AP3D1: variants seen among roughly 807,000 people sequenced by gnomAD.
The protein encoded by AP3D1 is adaptor related protein complex 3 subunit delta 1, also known as AP-3 complex subunit delta-1.
A neutral mutation model predicts 147.6 loss-of-function variants in AP3D1; 51 were observed. The ratio of observed to expected loss-of-function variants is 0.35; its 90% CI spans 0.28 to 0.44. The LOEUF (loss-of-function observed/expected upper bound fraction) is 0.44. AP3D1 is among the 20% of genes least tolerant of loss of function. The probability of loss-of-function intolerance (pLI) is 1.00; values close to 1 mark genes in which losing one functional copy is unlikely to be tolerated. For missense variants in AP3D1, 1,421 were observed against 1,624.2 expected, an observed-to-expected ratio of 0.87 and a Z score of 2.15; for synonymous variants, 760 against 663.0, an observed-to-expected ratio of 1.15 and a Z score of -2.25.
intron 21 of AP3D1, 126 bp from the exon 22 acceptor site, chr19:2,114,428 G>T: frequency 1.2e-6 from 1 of 806,220 alleles, no homozygotes. Context: ...CCCCAGCCAT[G>T]GCCCAACATA....
In AP3D1 at chr19:2,137,001, G is replaced by A; in HGVS notation, c.354+10C>T. 2 of 1,580,110 alleles carry A rather than the reference G, an allele frequency of 1.3e-6. No individual in the cohort carries two copies. Among genetic ancestry groups the A allele is most frequent in the Non-Finnish European group, 1.7e-6 (2 of 1,163,414 alleles). ...TCAGCACAGAGCGGCCCCGGCCCGGGAACACCCACCTTACGGATCTGATTG... is the reference window on the plus strand; with the variant it reads ...TCAGCACAGAGCGGCCCCGGCCCGGAAACACCCACCTTACGGATCTGATTG... On this transcript the variant is annotated intron_variant, in intron 4 of 31. Transcript: ENST00000643116.
intron 9 of AP3D1, among the ~76,000 whole-genome samples, chr19:2,125,009 A>G (rs1432139913): frequency 6.6e-6 from 1 of 152,170 alleles, no homozygotes; most frequent in African/African-American, 2.4e-5. Context: ...GGGGTGAGGG[A>G]TAAGAGACTG....
At chr19:2,103,673 G>A (rs2018022902) in intron 31 of AP3D1, among the ~76,000 whole-genome samples, 2 of 152,246 alleles carry the variant, frequency 1.3e-5, no homozygotes, top group Admixed American at 1.3e-4. Context: ...GGTGTGCTTG[G>A]GGCCACAGTC....
intron 1 of AP3D1, among the ~76,000 whole-genome samples, chr19:2,147,870 C>T (rs1201385828): frequency 1.5e-5 from 2 of 134,036 alleles, no homozygotes; most frequent in Non-Finnish European, 3.1e-5. Flanking sequence ...GGCGACAGAG[C>T]GAGACTTAGT....
chr19:2,125,347 C>A (rs1366954800), intron 9 of AP3D1, among the ~76,000 whole-genome samples: 1 of 152,108 alleles, frequency 6.6e-6, no homozygotes, highest in African/African-American at 2.4e-5. Context: ...AGAAGTTTCG[C>A]TCTTGTTGCC....
Position 2,130,520 on chromosome 19 carries a change from G to A in AP3D1, c.480C>T (p.Pro160=). The A allele has an allele frequency of 6.2e-7, 1 of 1,614,024 alleles. No individual in the cohort carries two copies. The highest frequency in any genetic ancestry group is 1.3e-5 in the African/African-American group (1 of 75,052). Reference sequence around the variant, plus strand: ...TCAGCACAGCCTTCTTCCTGATGTAGGGCTTGGTGTGTGACATCTGCGGGG... The same window carrying A: ...TCAGCACAGCCTTCTTCCTGATGTAAGGCTTGGTGTGTGACATCTGCGGGG... ...DIMTLMSHTK[P]YIRKKAVLIM... The change falls in exon 6 of 32, where the codon CCC becomes CCT. Residue 160 remains proline, a synonymous_variant. Coordinates refer to ENST00000643116, the MANE Select transcript of AP3D1 (RefSeq NM_001261826.3).
chr19:2,128,175 C>G (rs1019751152), intron 8 of AP3D1, among the ~76,000 whole-genome samples: 2 of 152,136 alleles, frequency 1.3e-5, no homozygotes, highest in African/African-American at 4.8e-5. Context: ...AGCACTTGGT[C>G]TGAGGAATTA....
At position 2,111,251 on chromosome 19, in the gene AP3D1, GCCCACCCTGC is replaced by G. The variant is rs770586956; in HGVS notation, c.2985+24_2985+33del. ...ATCCCATGCCAAAGAGTGTGGGCTG[GCCCACCCTGC>G]CCCTGGGAGCGGCTGCCACTCACCA... On this transcript the variant is annotated intron_variant, in intron 26 of 31. Coordinates refer to ENST00000643116, the MANE Select transcript of AP3D1 (RefSeq NM_001261826.3). 16 of 1,612,806 alleles carry G rather than the reference GCCCACCCTGC, an allele frequency of 9.9e-6. No individual in the cohort carries two copies. The Admixed American group carries it at 2.3e-4, about 24-fold the overall frequency.
chr19:2,157,245 A>G (rs1041374552), intron 1 of AP3D1, among the ~76,000 whole-genome samples: 4 of 151,410 alleles, frequency 2.6e-5, no homozygotes, highest in African/African-American at 9.7e-5. Context: ...GATCGAGACC[A>G]TCCCGGCTAA....
intron 31 of AP3D1, 108 bp downstream of exon 31, chr19:2,108,579 G>A (rs983653365): frequency 1.0e-6 from 1 of 1,003,106 alleles, no homozygotes; most frequent in Non-Finnish European, 1.5e-6. Flanking sequence ...TGCCATCACT[G>A]TCCTCGAGCC....
At chr19:2,138,575 A>G in intron 2 of AP3D1, 44 bp downstream of exon 2, 1 of 1,432,482 alleles carries the variant, frequency 7.0e-7, no homozygotes, top group Non-Finnish European at 9.8e-7. Flanking sequence ...TGAGTGGAGA[A>G]GCAGCCCGAC....
intron 23 of AP3D1, 140 bp from the exon 24 acceptor site, chr19:2,113,107 G>A (rs1390837937): frequency 1.5e-6 from 1 of 664,536 alleles, no homozygotes. Context: ...CGAGTGACAG[G>A]GAGCCTGTGA....
chr19:2,124,487 G>A (rs1250675594), intron 9 of AP3D1, among the ~76,000 whole-genome samples: 1 of 152,202 alleles, frequency 6.6e-6, no homozygotes, highest in African/African-American at 2.4e-5. Flanking sequence ...CATGAAGCCA[G>A]GGGACCGCCA....
intron 28 of AP3D1, 26 bp downstream of exon 28, chr19:2,110,110 T>C (rs778290390): frequency 3.7e-6 from 6 of 1,608,954 alleles, no homozygotes; most frequent in Middle Eastern, 1.8e-4. Context: ...AGTCGGCTCT[T>C]CAACGCCAAG....
intron 1 of AP3D1, among the ~76,000 whole-genome samples, chr19:2,145,216 G>A (rs2019325447): frequency 6.6e-6 from 1 of 152,226 alleles, no homozygotes; most frequent in South Asian, 2.1e-4. Context: ...CTGGAGGCCT[G>A]GGCAGAGCAG....
intron 1 of AP3D1, among the ~76,000 whole-genome samples, chr19:2,148,395 C>G (rs932233084): frequency 1.3e-5 from 2 of 152,208 alleles, no homozygotes; most frequent in African/African-American, 4.8e-5. Context: ...ACACAAGTAT[C>G]ACATGCAGAA....
At chr19:2,147,766 C>T (rs1599497221) in intron 1 of AP3D1, among the ~76,000 whole-genome samples, 1 of 150,338 alleles carries the variant, frequency 6.7e-6, no homozygotes, top group Non-Finnish European at 1.5e-5. Flanking sequence ...TGGTGGCACT[C>T]GCCTGTTGTC....
At chr19:2,111,927 G>A (rs1016664349) in intron 24 of AP3D1, 99 bp from the exon 25 acceptor site, 1 of 1,567,992 alleles carries the variant, frequency 6.4e-7, no homozygotes, top group East Asian at 2.3e-5. Flanking sequence ...TCAGGCTGAG[G>A]GTCCCACGTG....
chr19:2,134,374 T>C (rs1040270677), intron 4 of AP3D1, among the ~76,000 whole-genome samples: 17 of 151,834 alleles, frequency 1.1e-4, no homozygotes, highest in African/African-American at 4.1e-4. Flanking sequence ...TGAGCTGCAA[T>C]TGCGCTACTG....
Sources: allele counts gnomAD v4.1 joint callset (sites outside exome capture counted in the v4.1 genomes callset), GRCh38; gene constraint gnomAD v4.1.1; transcripts MANE v1.5; gene names NCBI Gene and HGNC (gene_info 2026-07-23, HGNC 2026-07-21).